FOSL2: variants seen among roughly 807,000 people sequenced by gnomAD.
FOSL2 encodes FOS like 2, AP-1 transcription factor subunit, also known as fos-related antigen 2.
A neutral mutation model predicts 27.7 loss-of-function variants in FOSL2; 3 were observed. The ratio of observed to expected loss-of-function variants is 0.11; its 90% CI spans 0.05 to 0.28. The LOEUF (loss-of-function observed/expected upper bound fraction) is 0.28. Ranked by LOEUF, FOSL2 falls within the 10% of genes least tolerant of loss-of-function variation. The pLI is 1.00. For synonymous variants in FOSL2, 179 were observed against 190.1 expected, an observed-to-expected ratio of 0.94 and a Z score of 0.48; for missense variants, 333 against 445.1, an observed-to-expected ratio of 0.75 and a Z score of 2.27.
At chr2:28,407,094 A>C (rs1323149207) in intron 2 of FOSL2, among the ~76,000 whole-genome samples, 1 of 152,242 alleles carries the variant, frequency 6.6e-6, no homozygotes, top group East Asian at 1.9e-4. Context: ...TCAGGAGGCC[A>C]AAAGTTGTCC....
chr2:28,411,217 G>A (rs1259584697), intron 3 of FOSL2, among the ~76,000 whole-genome samples: 2 of 152,070 alleles, frequency 1.3e-5, no homozygotes, highest in Non-Finnish European at 2.9e-5. Context: ...AATCCCACAG[G>A]GATTTGCTGA....
chr2:28,409,615 C>G (rs1054363422), intron 3 of FOSL2, among the ~76,000 whole-genome samples: 1 of 152,122 alleles, frequency 6.6e-6, no homozygotes, highest in African/African-American at 2.4e-5. Context: ...GAGGAAGCCC[C>G]GAGCCAGGGT....
chr2:28,400,501 G>A (rs1304743101), intron 1 of FOSL2, among the ~76,000 whole-genome samples: 1 of 152,086 alleles, frequency 6.6e-6, no homozygotes, highest in Non-Finnish European at 1.5e-5. Context: ...AGATCTAATT[G>A]AAACTTTTGT....
At chr2:28,395,100 A>G (rs1225433045) in intron 1 of FOSL2, among the ~76,000 whole-genome samples, 1 of 152,218 alleles carries the variant, frequency 6.6e-6, no homozygotes, top group East Asian at 1.9e-4. Flanking sequence ...AAGCACCCAC[A>G]GTAGAGACAG....
rs112106981 is a variant in FOSL2, at chr2:28,412,074, G to A, written c.607G>A (p.Ala203Thr). The change falls in exon 4 of 4, where the codon GCC becomes ACC. Residue 203 changes from alanine to threonine, a missense_variant. By Grantham distance (58) the Ala-to-Thr change is moderately conservative. This residue lies in a region of FOSL2 where 136 missense variants were observed against 123.7 expected (regional missense o/e 1.10). Coordinates refer to ENST00000264716, the MANE Select transcript of FOSL2 (RefSeq NM_005253.4). This position sits in a 1 kb window ranked among gnomAD's most constrained non-coding sequence, Gnocchi z 7.1. ...ISPEERRSPP[A>T]PGLQPMRSGG... ...CCCCGAGGAGCGCCGATCGCCCCCA[G>A]CCCCTGGGCTGCAGCCCATGCGCAG... The A allele has an allele frequency of 1.2e-6, 2 of 1,607,220 alleles. No individual in the cohort carries two copies. The highest frequency in any genetic ancestry group is 1.3e-5 in the African/African-American group (1 of 74,892).
In FOSL2 at chr2:28,416,260, G is replaced by A. The variant is rs1664310258; in HGVS notation, c.*3812G>A. 1 of 152,030 alleles carries A rather than the reference G, an allele frequency of 6.6e-6. No homozygotes were observed. The highest frequency in any genetic ancestry group is 1.5e-5 in the Non-Finnish European group (1 of 68,012). The allele number at this position is 152,030 out of a possible 1,614,324, so 9.4% of individuals were successfully genotyped here. On this transcript the variant is annotated 3_prime_UTR_variant, in exon 4 of 4. Transcript: ENST00000264716. Reference sequence around the variant, plus strand: ...GTGTTTTGGCCATACATCAACCAAGGGGTTTAATTTATCCAATGCTTGACG... The same window carrying A: ...GTGTTTTGGCCATACATCAACCAAGAGGTTTAATTTATCCAATGCTTGACG...
At chr2:28,403,280 A>G (rs1664010689) in intron 1 of FOSL2, among the ~76,000 whole-genome samples, 1 of 152,200 alleles carries the variant, frequency 6.6e-6, no homozygotes, top group Non-Finnish European at 1.5e-5. Flanking sequence ...TTCCTGCAGC[A>G]TGTTCCAGAG....
At chr2:28,398,301 C>T (rs1414284969) in intron 1 of FOSL2, among the ~76,000 whole-genome samples, 1 of 152,248 alleles carries the variant, frequency 6.6e-6, no homozygotes, top group East Asian at 1.9e-4. Flanking sequence ...TCTATCCCTT[C>T]TCCACTCCCT....
Position 28,408,922 on chromosome 2 carries a change from C to T in FOSL2, c.462+56C>T, listed in dbSNP as rs560215098. On this transcript the variant is annotated intron_variant, in intron 3 of 3. Transcript: ENST00000264716. This position sits in a 1 kb window ranked among gnomAD's most constrained non-coding sequence, Gnocchi z 4.1. ...TCTGGGTGGGCTGGAGTGAGAGCCC[C>T]GGGGGTCCTGATCCTCTCTCCCACA... 86 of 1,235,490 alleles carry T rather than the reference C, an allele frequency of 7.0e-5. No individual in the cohort carries two copies. The African/African-American group carries it at 9.9e-4, about 14-fold the overall frequency. The allele number at this position is 1,235,490 out of a possible 1,614,324, so 76.5% of individuals were successfully genotyped here. A position where few individuals can be genotyped will look rare whatever the true frequency, so the allele number is the denominator to read the frequency against.
At position 28,404,777 on chromosome 2, in the gene FOSL2, A is replaced by T. The variant is rs577460633; in HGVS notation, c.354+419A>T. Among the ~76,000 whole-genome samples the T allele has an allele frequency of 2.0e-5, 3 of 152,286 alleles. No individual in the cohort carries two copies. In the East Asian group the frequency reaches 5.8e-4, roughly 29 times the overall value. ...ATCCCTTAGCCGTCTCCCAGGGTCT[A>T]GTGCAGGCCAGGCACCCAGCAGACC... On this transcript the variant is annotated intron_variant, in intron 2 of 3. Transcript: ENST00000264716. This position sits in a 1 kb window ranked among gnomAD's most constrained non-coding sequence, Gnocchi z 4.7.
In FOSL2 at chr2:28,392,900, C is replaced by G; in HGVS notation, c.-821C>G. The G allele has an allele frequency of 1.4e-6, 1 of 714,158 alleles. No homozygotes were observed. The allele number at this position is 714,158 out of a possible 1,614,324, so 44.2% of individuals were successfully genotyped here. A position where few individuals can be genotyped will look rare whatever the true frequency, so the allele number is the denominator to read the frequency against. ...GCAGAGCGCTAGGGCTCCGAGCGAA[C>G]CAGCGAGCGAGCGAACGAGCGGCGC... is the stretch of plus-strand genomic sequence containing the variant. On this transcript the variant is annotated 5_prime_UTR_variant, in exon 1 of 4. Transcript: ENST00000264716.
At position 28,413,928 on chromosome 2, in the gene FOSL2, G is replaced by C. The variant is rs1664260482; in HGVS notation, c.*1480G>C. The C allele has an allele frequency of 2.5e-6, 1 of 397,886 alleles. No individual in the cohort carries two copies. Among genetic ancestry groups the C allele is most frequent in the Non-Finnish European group, 4.4e-6 (1 of 226,046 alleles). 24.6% of individuals were successfully genotyped at this position (397,886 alleles called of 1,614,324 possible). ...CAGGAGAGCTGCCCCCTTTCACGGG[G>C]TTGGGGAAGGGTCCCCCTGGCCTCC... On this transcript the variant is annotated 3_prime_UTR_variant, in exon 4 of 4. Transcript: ENST00000264716.
chr2:28,395,730 G>C (rs1663819371), intron 1 of FOSL2: 2 of 152,194 alleles, frequency 1.3e-5, no homozygotes, highest in Non-Finnish European at 2.9e-5. Context: ...CTGCCCATTC[G>C]GCCCGGCAGT....
rs1409075003 is a variant in FOSL2 at position 28,393,683 on chromosome 2, AAAACACCCTG to A, written c.-37_-28del. 1 of 1,504,028 alleles carries A rather than the reference AAAACACCCTG, an allele frequency of 6.6e-7. No individual in the cohort carries two copies. Among genetic ancestry groups the A allele is most frequent in the Non-Finnish European group, 9.1e-7 (1 of 1,100,634 alleles). 93.2% of individuals were successfully genotyped at this position (1,504,028 alleles called of 1,614,324 possible). On this transcript the variant is annotated 5_prime_UTR_variant, in exon 1 of 4. Coordinates refer to ENST00000264716, the MANE Select transcript of FOSL2 (RefSeq NM_005253.4). The surrounding 1 kb of genome is among the most constrained non-coding windows in gnomAD (Gnocchi z 4.6). ...CGGCCGCGGCGAGGGCGGGGGAAGA[AAAACACCCTG>A]TTTCCTCTCCGGCCCCCACCGCGGA...
rs749590372 is a variant in FOSL2 at position 28,392,936 on chromosome 2, CAGAA to C, written c.-781_-778del. 2,871 of 707,086 alleles carry C rather than the reference CAGAA, an allele frequency of 4.1e-3. 6 individuals are homozygous for C. The highest frequency in any genetic ancestry group is 5.5e-3 in the Non-Finnish European group (2,079 of 379,858). 43.8% of individuals were successfully genotyped at this position (707,086 alleles called of 1,614,324 possible). A position where few individuals can be genotyped will look rare whatever the true frequency, so the allele number is the denominator to read the frequency against. On this transcript the variant is annotated 5_prime_UTR_variant, in exon 1 of 4. Transcript: ENST00000264716. ...GCGAACGAGCGGCGCTCGGCGGGGA[CAGAA>C]AGAGGGAGAGAGAGAGAGAGAGAGA... is the stretch of plus-strand genomic sequence containing the variant.
Position 28,412,468 on chromosome 2 carries a change from C to T in FOSL2, c.*20C>T, listed in dbSNP as rs746278488. The T allele has an allele frequency of 2.5e-6, 4 of 1,590,286 alleles. No individual in the cohort carries two copies. Among genetic ancestry groups the T allele is most frequent in the Non-Finnish European group, 3.4e-6 (4 of 1,173,056 alleles). On this transcript the variant is annotated 3_prime_UTR_variant, in exon 4 of 4. Transcript: ENST00000264716. This position sits in a 1 kb window ranked among gnomAD's most constrained non-coding sequence, Gnocchi z 7.1. ...CTGTAACCCAGTGCACCTCCCTCCC[C>T]AGCTCCGGAGGGGGTCCTCCTCGCT...
rs771100529 is a variant in FOSL2 at position 28,404,946 on chromosome 2, C to T, written c.354+588C>T. The stretch of plus-strand genomic sequence containing the variant: ...GCAGTAACTCTGGGGCCTTAGGAGT[C>T]TGTTCAGTGGCATGGACAGGAGGAT... On this transcript the variant is annotated intron_variant, in intron 2 of 3. Coordinates refer to ENST00000264716, the MANE Select transcript of FOSL2 (RefSeq NM_005253.4). This position sits in a 1 kb window ranked among gnomAD's most constrained non-coding sequence, Gnocchi z 4.7. Among the ~76,000 whole-genome samples the T allele has an allele frequency of 1.3e-5, 2 of 152,168 alleles. No individual in the cohort carries two copies. Among genetic ancestry groups the T allele is most frequent in the Non-Finnish European group, 2.9e-5 (2 of 68,036 alleles).
Position 28,392,897 on chromosome 2 carries a change from G to A in FOSL2, c.-824G>A, listed in dbSNP as rs1186648494. 2 of 714,416 alleles carry A rather than the reference G, an allele frequency of 2.8e-6. No individual in the cohort carries two copies. The highest frequency in any genetic ancestry group is 3.5e-5 in the African/African-American group (2 of 57,174). The allele number at this position is 714,416 out of a possible 1,614,324, so 44.3% of individuals were successfully genotyped here. A position where few individuals can be genotyped will look rare whatever the true frequency, so the allele number is the denominator to read the frequency against. ...CGGGCAGAGCGCTAGGGCTCCGAGC[G>A]AACCAGCGAGCGAGCGAACGAGCGG... is the stretch of plus-strand genomic sequence containing the variant. On this transcript the variant is annotated 5_prime_UTR_variant, in exon 1 of 4. Coordinates refer to ENST00000264716, the MANE Select transcript of FOSL2 (RefSeq NM_005253.4).
At chr2:28,400,536 G>A (rs1328277415) in intron 1 of FOSL2, among the ~76,000 whole-genome samples, 1 of 152,122 alleles carries the variant, frequency 6.6e-6, no homozygotes, top group Non-Finnish European at 1.5e-5. Flanking sequence ...AGCTCCTCTT[G>A]GAGACAAAAG....
Sources: gnomAD v4.1 joint callset for allele counts (sites outside exome capture counted in the v4.1 genomes callset) on GRCh38, gnomAD v4.1.1 for gene constraint, gnomAD v4.1.1 regional missense constraint, Gnocchi (gnomAD v3.1) non-coding constraint, MANE v1.5 for transcripts, NCBI Gene and HGNC (gene_info 2026-07-23, HGNC 2026-07-21) for gene names.